The following BDP1 variants were observed in gnomAD, a reference collection of about 807,000 sequenced individuals.
BDP1 encodes the protein transcription factor TFIIIB component B'' homolog.
BDP1 carries 169 observed loss-of-function variants against 266.6 expected under a neutral mutation model. The observed-to-expected ratio is 0.63, with a 90% CI of 0.56 to 0.72. The LOEUF is 0.72. BDP1 is among the 30% of genes least tolerant of loss of function. The pLI, the probability that BDP1 is intolerant of heterozygous loss-of-function variation, is 0.00. For missense variants in BDP1, 3,015 were observed against 3,053.8 expected (o/e 0.99, Z 0.30); for synonymous variants, 1,090 against 1,022.4 (o/e 1.07, Z -1.26).
intron 11 of BDP1, chr5:71,495,001 A>C: frequency 3.8e-6 from 1 of 266,144 alleles, no homozygotes; most frequent in South Asian, 1.6e-4. Context: ...TCCGGCCTTC[A>C]TTTTGAAACT....
chr5:71,473,091 C>A (rs374427406), intron 7 of BDP1, among the ~76,000 whole-genome samples: 1 of 151,252 alleles, frequency 6.6e-6, no homozygotes, highest in East Asian at 1.9e-4. Flanking sequence ...TGCCATGTTG[C>A]TCAGGCTGGT....
rs1271695837 is a variant in BDP1 at position 71,489,636 on chromosome 5, A to G, written c.1446A>G (p.Glu482=). The change falls in exon 10 of 39, where the codon GAA becomes GAG. Residue 482 remains glutamate, a synonymous_variant. Coordinates refer to ENST00000358731, the MANE Select transcript of BDP1 (RefSeq NM_018429.3). The part of the protein sequence containing the change: ...ANELGVNNLL[E]NATVQAGPSK... ...AACTGGGAGTAAACAATCTTTTAGA[A>G]AATGCCACTGTTCAGGCGGGTCCTT... 6.2e-7 allele frequency: 1 copy of G among 1,613,948 alleles called. No homozygotes were observed. Among genetic ancestry groups the G allele is most frequent in the East Asian group, 2.2e-5 (1 of 44,884 alleles).
intron 37 of BDP1, 62 bp downstream of exon 37, chr5:71,560,299 A>C: frequency 6.7e-7 from 1 of 1,498,990 alleles, no homozygotes; most frequent in South Asian, 1.3e-5. Flanking sequence ...TAACCTATAC[A>C]GAACAGATTA....
At chr5:71,525,200 A>AGCAGGGGCGGCCGG (rs1765728051) in intron 25 of BDP1, among the ~76,000 whole-genome samples, 1 of 151,436 alleles carries the variant, frequency 6.6e-6, no homozygotes, top group Admixed American at 6.6e-5. Flanking sequence ...CTCACTTCCC[A>AGCAGGGGCGGCCGG]GCAGGGGCGG....
Position 71,522,820 on chromosome 5 carries a change from A to C in BDP1, c.5258A>C (p.Glu1753Ala). 4 of 1,613,782 alleles carry C rather than the reference A, an allele frequency of 2.5e-6. No individual in the cohort carries two copies. The highest frequency in any genetic ancestry group is 1.7e-6 in the Non-Finnish European group (2 of 1,179,856). ...AGAAAAGATTGTGTAGGTTCCAAAG[A>C]GTCTGCTTTGGCAAAAATAGATGCG... ...SARKDCVGSK[E>A]SALAKIDAEL... is the part of the protein sequence containing the mutation. Residue 1753 changes from glutamate to alanine, a missense_variant, in exon 24 of 39, where the codon GAG becomes GCG. Around this residue, in one of 3 missense-constraint regions of BDP1, gnomAD observed 2,383 missense variants for 2,404.9 expected, o/e 0.99. Coordinates refer to ENST00000358731, the MANE Select transcript of BDP1 (RefSeq NM_018429.3).
intron 2 of BDP1, among the ~76,000 whole-genome samples, 174 bp from the exon 3 acceptor site, chr5:71,461,643 T>C (rs1390837308): frequency 1.3e-5 from 2 of 152,056 alleles, no homozygotes; most frequent in Admixed American, 1.3e-4. Flanking sequence ...CTAAAAGCTA[T>C]TGAGGGTAAT....
At chr5:71,519,986 G>A (rs183509857) in intron 22 of BDP1, among the ~76,000 whole-genome samples, 2 of 151,882 alleles carry the variant, frequency 1.3e-5, no homozygotes, top group Non-Finnish European at 2.9e-5. Flanking sequence ...GTAATTTTTT[G>A]TCTTTTTAAC....
At chr5:71,479,111 C>T (rs141408191) in intron 7 of BDP1, among the ~76,000 whole-genome samples, 1,538 of 151,378 alleles carry the variant, frequency 0.01, 66 homozygotes, top group Admixed American at 0.073. Context: ...GGTGCGATCT[C>T]GGCTCACTGC....
intron 1 of BDP1, 43 bp downstream of exon 1, chr5:71,456,132 T>G (rs1761170185): frequency 1.3e-6 from 2 of 1,556,960 alleles, no homozygotes; most frequent in Non-Finnish European, 8.8e-7. Context: ...GTCCCGCCTC[T>G]CCGGGCATGT....
At chr5:71,525,521 C>T (rs1451628551) in intron 25 of BDP1, among the ~76,000 whole-genome samples, 1 of 118,512 alleles carries the variant, frequency 8.4e-6, no homozygotes. Context: ...CCGGACGGGG[C>T]GGCTGGCCGG....
chr5:71,535,158 C>G (rs961692582), intron 26 of BDP1, among the ~76,000 whole-genome samples: 1 of 151,810 alleles, frequency 6.6e-6, no homozygotes, highest in African/African-American at 2.4e-5. Context: ...TGCTCCTCGA[C>G]TTATGAGGAG....
At chr5:71,552,995 T>C in intron 34 of BDP1, 121 bp from the exon 35 acceptor site, 1 of 848,830 alleles carries the variant, frequency 1.2e-6, no homozygotes, top group Non-Finnish European at 1.8e-6. Flanking sequence ...TTATTGGAAT[T>C]TTCATTGGAA....
chr5:71,457,292 G>C (rs1761252961), intron 1 of BDP1, among the ~76,000 whole-genome samples: 1 of 143,146 alleles, frequency 7.0e-6, no homozygotes, highest in African/African-American at 2.6e-5. Context: ...TGCCATTACT[G>C]ACTCTGGGAA....
chr5:71,557,569 A>G (rs1354435015), intron 36 of BDP1, among the ~76,000 whole-genome samples: 28 of 151,908 alleles, frequency 1.8e-4, no homozygotes, highest in Admixed American at 1.8e-3. Flanking sequence ...TATTTTTAGT[A>G]GAGACAGGAT....
chr5:71,531,244 C>T (rs1766228146), intron 25 of BDP1, among the ~76,000 whole-genome samples: 1 of 151,960 alleles, frequency 6.6e-6, no homozygotes, highest in Non-Finnish European at 1.5e-5. Context: ...ATGAGTGAGA[C>T]CCTGCCTCAG....
Position 71,535,526 on chromosome 5 carries a change from C to A in BDP1, c.5892+3099C>A, listed in dbSNP as rs115573468. Among the ~76,000 whole-genome samples the A allele has an allele frequency of 9.9e-3, 1,506 of 152,158 alleles. 28 individuals carry two copies. The highest frequency in any genetic ancestry group is 0.034 in the African/African-American group (1,418 of 41,504). On this transcript the variant is annotated intron_variant, in intron 26 of 38. Transcript: ENST00000358731. ...GGCCTAAAATAAAAAAATTTTAAGT[C>A]GGGTACTCTTTGCACCACAAACTTG...
downstream of BDP1, among the ~76,000 whole-genome samples, chr5:71,569,697 A>G (rs1294289013): frequency 6.6e-6 from 1 of 152,126 alleles, no homozygotes; most frequent in Admixed American, 6.5e-5. Context: ...GTACGCTGAT[A>G]TTGTGCCACT....
intron 26 of BDP1, among the ~76,000 whole-genome samples, chr5:71,536,528 G>C (rs1374261610): frequency 6.6e-6 from 1 of 152,144 alleles, no homozygotes; most frequent in East Asian, 1.9e-4. Flanking sequence ...TTTTCTTTAG[G>C]AAGCAATTCT....
At chr5:71,569,527 G>A (rs184740228), downstream of BDP1, among the ~76,000 whole-genome samples, 37 of 152,128 alleles carry the variant, frequency 2.4e-4, no homozygotes, top group African/African-American at 8.9e-4. Context: ...TGGGAGGATC[G>A]CTTGAGCCCA....
Sources: gnomAD v4.1 joint callset for allele counts (sites outside exome capture counted in the v4.1 genomes callset) on GRCh38, gnomAD v4.1.1 for gene constraint, gnomAD v4.1.1 regional missense constraint, MANE v1.5 for transcripts, NCBI Gene and HGNC (gene_info 2026-07-23, HGNC 2026-07-21) for gene names.